The following IL12RB2 variants were observed in gnomAD, a reference collection of about 807,000 sequenced individuals.
The protein encoded by IL12RB2 is interleukin 12 receptor subunit beta 2.
A neutral mutation model predicts 89.4 loss-of-function variants in IL12RB2; 82 were observed. That is an observed-to-expected ratio of 0.92 (90% confidence interval 0.77 to 1.10). The LOEUF (loss-of-function observed/expected upper bound fraction) is 1.10. Among genes scored for constraint, IL12RB2 ranks in the 50% least tolerant of loss-of-function variants. The probability of loss-of-function intolerance (pLI) is 0.00; values close to 1 mark genes in which losing one functional copy is unlikely to be tolerated. For missense variants in IL12RB2, 963 were observed against 1,031.9 expected, an observed-to-expected ratio of 0.93 and a Z score of 0.92; for synonymous variants, 368 against 370.1, an observed-to-expected ratio of 0.99 and a Z score of 0.07.
At chr1:67,388,916 T>C (rs979008385) in intron 15 of IL12RB2, among the ~76,000 whole-genome samples, 3 of 152,284 alleles carry the variant, frequency 2.0e-5, no homozygotes, top group Admixed American at 6.5e-5. Flanking sequence ...TAATGTGTGA[T>C]AGATACTTCA....
At chr1:67,329,241 C>T (rs1477383121) in intron 6 of IL12RB2, among the ~76,000 whole-genome samples, 3 of 152,160 alleles carry the variant, frequency 2.0e-5, no homozygotes, top group Admixed American at 1.3e-4. Flanking sequence ...CATCACTAGC[C>T]GTCTCTGGCT....
chr1:67,380,838 T>C (rs1223393869), intron 14 of IL12RB2, among the ~76,000 whole-genome samples: 1 of 152,224 alleles, frequency 6.6e-6, no homozygotes, highest in Non-Finnish European at 1.5e-5. Context: ...ATTCTCCATG[T>C]GTCCAAATTG....
chr1:67,356,042 T>C (rs1661358057), intron 10 of IL12RB2, among the ~76,000 whole-genome samples: 1 of 152,220 alleles, frequency 6.6e-6, no homozygotes, highest in Admixed American at 6.5e-5. Flanking sequence ...ACTTGCTGAA[T>C]GAGTAAATTT....
chr1:67,373,074 T>A (rs539214308), intron 13 of IL12RB2, among the ~76,000 whole-genome samples: 22 of 152,288 alleles, frequency 1.4e-4, no homozygotes, highest in Admixed American at 8.5e-4. Flanking sequence ...AGAGACAGAA[T>A]TTCAACAAAC....
chr1:67,311,141 G>A (rs112976292), intron 1 of IL12RB2, among the ~76,000 whole-genome samples: 2 of 152,288 alleles, frequency 1.3e-5, no homozygotes, highest in African/African-American at 4.8e-5. Context: ...TGTCCTGGGC[G>A]GATCCACTGC....
chr1:67,391,574 C>T (rs1352632267), intron 16 of IL12RB2, among the ~76,000 whole-genome samples: 2 of 148,938 alleles, frequency 1.3e-5, no homozygotes, highest in Non-Finnish European at 3.0e-5. Context: ...TTCTATGTAC[C>T]AGGCACTTTT....
At chr1:67,368,508 T>C (rs1662950834) in intron 11 of IL12RB2, among the ~76,000 whole-genome samples, 1 of 152,230 alleles carries the variant, frequency 6.6e-6, no homozygotes, top group Non-Finnish European at 1.5e-5. Context: ...TACTTATTAA[T>C]TGTGTAATAC....
At chr1:67,358,683 G>C (rs1473825439) in intron 10 of IL12RB2, among the ~76,000 whole-genome samples, 1 of 152,006 alleles carries the variant, frequency 6.6e-6, no homozygotes, top group Middle Eastern at 3.2e-3. Flanking sequence ...GAGAGAGAGA[G>C]AGAAGATGCA....
At chr1:67,345,149 G>A (rs1268125045) in intron 9 of IL12RB2, among the ~76,000 whole-genome samples, 1 of 152,144 alleles carries the variant, frequency 6.6e-6, no homozygotes, top group Non-Finnish European at 1.5e-5. Flanking sequence ...CAGCCTGGAC[G>A]ACAGTGTGAG....
At chr1:67,378,938 C>A (rs1664270949) in intron 13 of IL12RB2, among the ~76,000 whole-genome samples, 1 of 151,424 alleles carries the variant, frequency 6.6e-6, no homozygotes, top group Non-Finnish European at 1.5e-5. Context: ...GGGCTCACGC[C>A]TATAATCCCA....
intron 9 of IL12RB2, among the ~76,000 whole-genome samples, chr1:67,349,809 T>C (rs1660627098): frequency 6.6e-6 from 1 of 152,176 alleles, no homozygotes; most frequent in Admixed American, 6.5e-5. Context: ...AGGAACATTC[T>C]CTCCCAGTAT....
Position 67,386,872 on chromosome 1 carries a change from T to TTTTATATATATA in IL12RB2, c.1946+204_1946+205insTTATATATATAT, listed in dbSNP as rs1473033781. 1.7e-3 allele frequency among the ~76,000 whole-genome samples: 82 copies of TTTTATATATATA among 48,254 alleles called. 1 individual carries two copies. The highest frequency in any genetic ancestry group is 2.5e-3 in the Non-Finnish European group (56 of 22,270). The allele number at this position is 48,254 out of a possible 152,430, so 31.7% of individuals were successfully genotyped here. A position where few individuals can be genotyped will look rare whatever the true frequency, so the allele number is the denominator to read the frequency against. On this transcript the variant is annotated intron_variant, in intron 15 of 16. Coordinates refer to ENST00000674203, the MANE Select transcript of IL12RB2 (RefSeq NM_001374259.2). ...AACAATCTCTAACTAGAAATGTATT[T>TTTTATATATATA]TATATATATATATATATATATATAT... is the stretch of plus-strand genomic sequence containing the variant.
At position 67,396,399 on chromosome 1, in the gene IL12RB2, G is replaced by A. The variant is rs1666371624; in HGVS notation, c.*310G>A. ...AGAAAGGGAAATGAGGAGGAGAGTA[G>A]AAACCACAGCTCTTAGTAGTAATGG... On this transcript the variant is annotated 3_prime_UTR_variant, in exon 17 of 17. Transcript: ENST00000674203. The A allele has an allele frequency of 2.1e-6, 1 of 479,844 alleles. No individual in the cohort carries two copies. The highest frequency in any genetic ancestry group is 2.0e-5 in the African/African-American group (1 of 51,244). 29.7% of individuals were successfully genotyped at this position (479,844 alleles called of 1,614,324 possible). A position where few individuals can be genotyped will look rare whatever the true frequency, so the allele number is the denominator to read the frequency against.
intron 7 of IL12RB2, among the ~76,000 whole-genome samples, chr1:67,330,279 A>ATTTTTTT (rs1253116402): frequency 0.016 from 1,745 of 112,028 alleles, 19 homozygotes; most frequent in Admixed American, 0.034. Flanking sequence ...TTTTTAAAAA[A>ATTTTTTT]AAAAAAAGCC....
chr1:67,324,731 A>G (rs565948166), intron 4 of IL12RB2, among the ~76,000 whole-genome samples: 22 of 152,358 alleles, frequency 1.4e-4, no homozygotes, highest in Admixed American at 1.4e-3. Context: ...AGAAAAGAGT[A>G]AACTATTTTA....
In IL12RB2 at chr1:67,316,339, G is replaced by A. The variant is rs117960053; in HGVS notation, c.-37+2339G>A. On this transcript the variant is annotated intron_variant, in intron 2 of 16. Coordinates refer to ENST00000674203, the MANE Select transcript of IL12RB2 (RefSeq NM_001374259.2). ...TTTCCATTGCCACTACAACACCTGA[G>A]GACCACGTCATCATCATTTTACCTG... is the stretch of plus-strand genomic sequence containing the variant. 5.3e-5 allele frequency among the ~76,000 whole-genome samples: 8 copies of A among 152,000 alleles called. No homozygotes were observed. In the East Asian group the frequency reaches 1.5e-3, roughly 29 times the overall value.
chr1:67,335,460 G>A (rs996279877), intron 8 of IL12RB2, among the ~76,000 whole-genome samples: 30 of 152,256 alleles, frequency 2.0e-4, no homozygotes, highest in Admixed American at 1.4e-3. Flanking sequence ...CCTTTTGCTC[G>A]GTGAAGTCTG....
rs1657783166 is a variant in IL12RB2 at position 67,329,591 on chromosome 1, G to A, written c.669G>A (p.Arg223=). The A allele has an allele frequency of 6.3e-7, 1 of 1,579,212 alleles. No individual in the cohort carries two copies. The highest frequency in any genetic ancestry group is 8.7e-7 in the Non-Finnish European group (1 of 1,148,178). The change falls in exon 7 of 17, where the codon AGG becomes AGA. Residue 223 remains arginine (R), a synonymous_variant. Transcript: ENST00000674203. Reference sequence around the variant, plus strand: ...TTTGTTTGTCCTGGTTACTAGTGAGGCCTCTTCCTCCGTGGGACATTAGAA... The same window carrying A: ...TTTGTTTGTCCTGGTTACTAGTGAGACCTCTTCCTCCGTGGGACATTAGAA... ...PSTFTFLDIV[R]PLPPWDIRIK...
chr1:67,355,850 TGA>T (rs1295012492), intron 10 of IL12RB2, among the ~76,000 whole-genome samples: 2 of 152,166 alleles, frequency 1.3e-5, no homozygotes, highest in African/African-American at 4.8e-5. Context: ...GCAAACATCA[TGA>T]GAGAGGAAAT....
Sources: gnomAD v4.1 joint callset for allele counts (sites outside exome capture counted in the v4.1 genomes callset) on GRCh38, gnomAD v4.1.1 for gene constraint, MANE v1.5 for transcripts, NCBI Gene and HGNC (gene_info 2026-07-23, HGNC 2026-07-21) for gene names.